DDX27: variants seen among roughly 807,000 people sequenced by gnomAD.
DDX27 encodes the protein probable ATP-dependent RNA helicase DDX27.
A neutral mutation model predicts 99.3 loss-of-function variants in DDX27; 42 were observed. The observed-to-expected ratio is 0.42, with a 90% CI of 0.33 to 0.55. The LOEUF (loss-of-function observed/expected upper bound fraction) is 0.55. Ranked by LOEUF, DDX27 falls within the 20% of genes least tolerant of loss-of-function variation. The pLI is 0.07. For synonymous variants in DDX27, 329 were observed against 353.8 expected (o/e 0.93, Z 0.79); for missense variants, 798 against 976.8 (o/e 0.82, Z 2.44).
rs762009738 is a variant in DDX27, at chr20:49,221,459, T to C, written c.101T>C (p.Ile34Thr). ...GTCTCTTACTCTTCCCAGGGGCCCA[T>C]TGTGCTGGGCAGACGACAAAAAGCT... is the stretch of plus-strand genomic sequence containing the variant. ...DSGDEEEEGP[I>T]VLGRRQKALG... Residue 34 changes from isoleucine to threonine, a missense_variant, in exon 2 of 21, where the codon ATT (isoleucine) becomes ACT (threonine). By Grantham distance (89) the Ile-to-Thr change is moderately conservative. Around this residue, in one of 2 missense-constraint regions of DDX27, gnomAD observed 245 missense variants for 248.8 expected, o/e 0.98. Transcript: ENST00000618172. 1.2e-6 allele frequency: 2 copies of C among 1,613,314 alleles called. No homozygotes were observed. Among genetic ancestry groups the C allele is most frequent in the East Asian group, 2.2e-5 (1 of 44,862 alleles).
At chr20:49,224,702 A>C in intron 4 of DDX27, 1 of 536,482 alleles carries the variant, frequency 1.9e-6, no homozygotes, top group African/African-American at 1.9e-5. Flanking sequence ...CTAAAGCATC[A>C]TAATACAGTG....
chr20:49,239,083 A>G, intron 15 of DDX27, 28 bp downstream of exon 15: 1 of 1,590,302 alleles, frequency 6.3e-7, no homozygotes, highest in Non-Finnish European at 8.6e-7. Flanking sequence ...GATCTTGTTC[A>G]CAAGGCTGCT....
At position 49,225,122 on chromosome 20, in the gene DDX27, G is replaced by A. The variant is rs770368578; in HGVS notation, c.523G>A (p.Gly175Arg). The change falls in exon 6 of 21, where the codon GGA becomes AGA. Residue 175 changes from glycine to arginine, a missense_variant. Gly to Arg is a moderately radical substitution (Grantham distance 125). Coordinates refer to ENST00000618172, the MANE Select transcript of DDX27 (RefSeq NM_017895.8). ...TGGTTTTCTGGTGTAGGAAGCAGGA[G>A]GATTTTTTGAAGATGCATCTCAGTA... ...KKKKKGQEAG[G>R]FFEDASQYDE... is the part of the protein sequence containing the mutation. 2.5e-6 allele frequency: 4 copies of A among 1,613,838 alleles called. No individual in the cohort carries two copies. The East Asian group carries it at 8.9e-5, about 36-fold the overall frequency.
intron 4 of DDX27, 59 bp from the exon 5 acceptor site, chr20:49,224,886 C>T: frequency 6.3e-7 from 1 of 1,589,416 alleles, no homozygotes; most frequent in Admixed American, 1.7e-5. Flanking sequence ...CAGTGTCCAG[C>T]AGGATGCAAG....
intron 1 of DDX27, among the ~76,000 whole-genome samples, chr20:49,220,999 T>A (rs966259712): frequency 6.6e-5 from 10 of 152,128 alleles, no homozygotes; most frequent in Admixed American, 5.9e-4. Flanking sequence ...TCTTGCTCGG[T>A]CGCCCAGGGT....
In DDX27 at chr20:49,233,356, G is replaced by C. The variant is rs1338428760; in HGVS notation, c.1082G>C (p.Cys361Ser). The C allele has an allele frequency of 6.2e-7, 1 of 1,614,080 alleles. No individual in the cohort carries two copies. ...CAGATGAAGGAGATCATCCGAATGT[G>C]TTCCCACCACCGCCAGACCATGCTC... ...EEQMKEIIRM[C>S]SHHRQTMLFS... The change falls in exon 10 of 21, where the codon TGT becomes TCT. Residue 361 changes from cysteine to serine, a missense_variant. By Grantham distance (112) the Cys-to-Ser change is moderately radical. Around this residue, in one of 2 missense-constraint regions of DDX27, gnomAD observed 553 missense variants for 727.9 expected, o/e 0.76. Transcript: ENST00000618172.
At position 49,243,913 on chromosome 20, in the gene DDX27, T is replaced by G. The variant is rs1319269691; in HGVS notation, c.*79T>G. On this transcript the variant is annotated 3_prime_UTR_variant, in exon 21 of 21. Coordinates refer to ENST00000618172, the MANE Select transcript of DDX27 (RefSeq NM_017895.8). ...GGAAGTCATCCTGGCTGGTCTGTCT[T>G]TTCTCCATTTGTTTAAAAAAAAAAC... 7.1e-6 allele frequency: 11 copies of G among 1,542,076 alleles called. No homozygotes were observed. The highest frequency in any genetic ancestry group is 4.5e-5 in the East Asian group (2 of 44,510).
chr20:49,242,576 C>T lies in DDX27; in HGVS notation c.2117-18C>T, dbSNP rs754511302. ...GGGCCAAAGACAACCATATGTAACC[C>T]ATTCTCTCTGTGCACAGCCAAGAAG... On this transcript the variant is annotated intron_variant, in intron 18 of 20. Coordinates refer to ENST00000618172, the MANE Select transcript of DDX27 (RefSeq NM_017895.8). 24 of 1,611,464 alleles carry T rather than the reference C, an allele frequency of 1.5e-5. No individual in the cohort carries two copies. Among genetic ancestry groups the T allele is most frequent in the Middle Eastern group, 1.6e-4 (1 of 6,078 alleles).
At chr20:49,231,643 T>C (rs1455618181) in intron 9 of DDX27, among the ~76,000 whole-genome samples, 2 of 152,150 alleles carry the variant, frequency 1.3e-5, no homozygotes. Context: ...AGATTACTAT[T>C]ATGTATAAAG....
At position 49,242,717 on chromosome 20, in the gene DDX27, CTTTTTTTTT is replaced by C. The variant is rs71186444; in HGVS notation, c.2204+51_2204+59del. On this transcript the variant is annotated intron_variant, in intron 19 of 20. Transcript: ENST00000618172. The stretch of plus-strand genomic sequence containing the variant: ...AAGTCATCATGGAGCCCTTGGTATT[CTTTTTTTTT>C]TTTTTTTTTTTTTTGAGACGGAGTC... 2.8e-6 allele frequency: 4 copies of C among 1,419,948 alleles called. No individual in the cohort carries two copies. The East Asian group carries it at 1.0e-4, about 36-fold the overall frequency. The allele number at this position is 1,419,948 out of a possible 1,614,324, so 88.0% of individuals were successfully genotyped here.
chr20:49,231,530 A>G (rs1218306555), intron 9 of DDX27, among the ~76,000 whole-genome samples: 1 of 152,230 alleles, frequency 6.6e-6, no homozygotes, highest in Admixed American at 6.5e-5. Flanking sequence ...AGATCAGGAG[A>G]CAGCTCTGTG....
chr20:49,229,326 A>G (rs1980017427), intron 8 of DDX27, among the ~76,000 whole-genome samples: 1 of 152,130 alleles, frequency 6.6e-6, no homozygotes, highest in Admixed American at 6.6e-5. Flanking sequence ...CACCGCACCC[A>G]GCCGACATGT....
At chr20:49,225,560 A>G (rs1320974353) in intron 6 of DDX27, among the ~76,000 whole-genome samples, 4 of 141,898 alleles carry the variant, frequency 2.8e-5, no homozygotes, top group Non-Finnish European at 6.0e-5. Context: ...GGTTCACGCC[A>G]TTCTCCTGCC....
chr20:49,239,214 C>T, intron 15 of DDX27, 22 bp from the exon 16 acceptor site: 1 of 1,608,620 alleles, frequency 6.2e-7, no homozygotes. Context: ...TCACGGCAGG[C>T]ATCCTTTTGT....
At chr20:49,220,645 G>A (rs551043380) in intron 1 of DDX27, among the ~76,000 whole-genome samples, 1 of 152,160 alleles carries the variant, frequency 6.6e-6, no homozygotes, top group African/African-American at 2.4e-5. Context: ...TGCTGGCTGC[G>A]GCCCCCTCTC....
At chr20:49,231,780 G>T (rs1980120808) in intron 9 of DDX27, among the ~76,000 whole-genome samples, 1 of 152,212 alleles carries the variant, frequency 6.6e-6, no homozygotes, top group African/African-American at 2.4e-5. Flanking sequence ...GCAGGGCACA[G>T]CTGTGCCCAG....
At chr20:49,233,998 C>T (rs1016625221) in intron 11 of DDX27, 7 of 341,976 alleles carry the variant, frequency 2.0e-5, no homozygotes, top group Non-Finnish European at 3.8e-5. Flanking sequence ...TCGCCTGGAT[C>T]GTTGCGCAGC....
At chr20:49,238,765 CTTTTTTTTTTTTTT>C (rs71186443) in intron 14 of DDX27, 170 bp from the exon 15 acceptor site, 1 of 237,038 alleles carries the variant, frequency 4.2e-6, no homozygotes, top group Non-Finnish European at 7.4e-6. Flanking sequence ...CTGTGCCTGG[CTTTTTTTTTTTTTT>C]TTTTTTTTTT....
At chr20:49,228,594 A>G (rs1452384228) in intron 7 of DDX27, 121 bp from the exon 8 acceptor site, 2 of 1,033,902 alleles carry the variant, frequency 1.9e-6, no homozygotes, top group African/African-American at 1.7e-5. Context: ...AAAATATTCT[A>G]TGAAAAATAA....
Sources: gnomAD v4.1 joint callset for allele counts (sites outside exome capture counted in the v4.1 genomes callset) on GRCh38, gnomAD v4.1.1 for gene constraint, gnomAD v4.1.1 regional missense constraint, MANE v1.5 for transcripts, NCBI Gene and HGNC (gene_info 2026-07-23, HGNC 2026-07-21) for gene names.